Variants in COL25A1 observed in about 807,000 individuals in gnomAD.
COL25A1 encodes the protein collagen type XXV alpha 1 chain.
Under a neutral mutation model 128.4 loss-of-function variants are expected in COL25A1, and 103 were observed. That is an observed-to-expected ratio of 0.80 (90% CI 0.68 to 0.94). The LOEUF is 0.94. Among genes scored for constraint, COL25A1 ranks in the 40% least tolerant of loss-of-function variants. The pLI, the probability that COL25A1 is intolerant of heterozygous loss-of-function variation, is 0.00. For synonymous variants in COL25A1, 279 were observed against 277.2 expected (o/e 1.01, Z -0.06); for missense variants, 745 against 840.0 (o/e 0.89, Z 1.40).
intron 2 of COL25A1, among the ~76,000 whole-genome samples, chr4:109,300,899 ACT>A (rs1267186504): frequency 2.0e-5 from 3 of 151,810 alleles, no homozygotes; most frequent in African/African-American, 7.3e-5. Context: ...CTCTACCACC[ACT>A]CTCTCCCTCA....
chr4:108,891,809 T>C (rs1741541171), intron 16 of COL25A1, among the ~76,000 whole-genome samples: 1 of 152,098 alleles, frequency 6.6e-6, no homozygotes, highest in Non-Finnish European at 1.5e-5. Flanking sequence ...AAGCTGCTTG[T>C]ATTAATTGTA....
At chr4:109,181,391 T>C (rs1157373564) in intron 3 of COL25A1, among the ~76,000 whole-genome samples, 1 of 152,094 alleles carries the variant, frequency 6.6e-6, no homozygotes, top group Non-Finnish European at 1.5e-5. Flanking sequence ...AATTTAATAT[T>C]TCAGTAAAAC....
At chr4:108,974,425 A>T in intron 7 of COL25A1, 32 bp from the exon 8 acceptor site, 4 of 1,613,662 alleles carry the variant, frequency 2.5e-6, no homozygotes, top group Non-Finnish European at 3.4e-6. Context: ...TAACAGTTTT[A>T]GCCAAAATTT....
At chr4:109,227,331 T>A (rs887794190) in intron 3 of COL25A1, among the ~76,000 whole-genome samples, 1 of 152,112 alleles carries the variant, frequency 6.6e-6, no homozygotes, top group African/African-American at 2.4e-5. Flanking sequence ...GTATTAAAAA[T>A]GATGTGAAGA....
intron 11 of COL25A1, among the ~76,000 whole-genome samples, chr4:108,932,327 A>G (rs1746852173): frequency 6.6e-6 from 1 of 152,266 alleles, no homozygotes; most frequent in Non-Finnish European, 1.5e-5. Context: ...TTTTAAAAAC[A>G]TTATATTCAC....
intron 28 of COL25A1, among the ~76,000 whole-genome samples, chr4:108,845,709 C>T (rs545129739): frequency 2.0e-5 from 3 of 152,076 alleles, no homozygotes; most frequent in Admixed American, 6.5e-5. Context: ...GTTAGAATTA[C>T]GGGGAAAACC....
rs575848357 is a variant in COL25A1 at position 108,963,665 on chromosome 4, T to C, written c.492+10702A>G. Among the ~76,000 whole-genome samples, 3 of 152,178 alleles carry C rather than the reference T, an allele frequency of 2.0e-5. No individual in the cohort carries two copies. The East Asian group carries it at 5.8e-4, about 29-fold the overall frequency. ...ATAAGACAAAGAATAAAACCTTCCGTATAGTTTCATGTTTGAGAGAGGATT... is the reference window on the plus strand; with the variant it reads ...ATAAGACAAAGAATAAAACCTTCCGCATAGTTTCATGTTTGAGAGAGGATT... On this transcript the variant is annotated intron_variant, in intron 8 of 37. Transcript: ENST00000399132.
intron 3 of COL25A1, among the ~76,000 whole-genome samples, chr4:109,140,399 G>A (rs2126084956): frequency 6.6e-6 from 1 of 152,292 alleles, no homozygotes; most frequent in Middle Eastern, 3.4e-3. Context: ...GCTTAGGATT[G>A]TCTTGGCTAT....
intron 3 of COL25A1, among the ~76,000 whole-genome samples, chr4:109,111,434 C>T (rs1767008763): frequency 6.6e-6 from 1 of 152,184 alleles, no homozygotes; most frequent in African/African-American, 2.4e-5. Context: ...CATTCACAAC[C>T]CATCATCTCA....
At chr4:108,912,641 T>C (rs1474960282) in intron 13 of COL25A1, among the ~76,000 whole-genome samples, 1 of 152,110 alleles carries the variant, frequency 6.6e-6, no homozygotes, top group Non-Finnish European at 1.5e-5. Flanking sequence ...GCAGTAAATA[T>C]ATAAATAAAT....
At chr4:109,274,209 T>TA (rs11396793) in intron 3 of COL25A1, among the ~76,000 whole-genome samples, 37,277 of 151,962 alleles carry the variant, frequency 0.25, 5,304 homozygotes, top group South Asian at 0.38. Flanking sequence ...CATTTTCAAT[T>TA]AAAAAAATGA....
At position 109,210,856 on chromosome 4, in the gene COL25A1, T is replaced by G. The variant is rs149090494; in HGVS notation, c.367+89727A>C. On this transcript the variant is annotated intron_variant, in intron 3 of 37. Transcript: ENST00000399132. ...TACACAGCCATAAAAAAGAATAAAA[T>G]TATTCCCTTTGCAGCAACACGGATG... 1.2e-4 allele frequency among the ~76,000 whole-genome samples: 19 copies of G among 152,150 alleles called. No individual in the cohort carries two copies. In the East Asian group the frequency reaches 3.5e-3, roughly 28 times the overall value.
At chr4:109,259,184 G>A (rs1336359269) in intron 3 of COL25A1, among the ~76,000 whole-genome samples, 1 of 151,990 alleles carries the variant, frequency 6.6e-6, no homozygotes, top group Non-Finnish European at 1.5e-5. Flanking sequence ...TTTCTGTGCG[G>A]AGATTATTGA....
At chr4:109,292,515 C>T (rs780208162) in intron 3 of COL25A1, among the ~76,000 whole-genome samples, 6 of 152,016 alleles carry the variant, frequency 3.9e-5, no homozygotes, top group African/African-American at 9.7e-5. Flanking sequence ...GAGAGCTCTA[C>T]GATGAGCCCT....
intron 3 of COL25A1, among the ~76,000 whole-genome samples, chr4:109,268,096 T>G (rs923708021): frequency 2.0e-5 from 3 of 152,176 alleles, no homozygotes; most frequent in African/African-American, 4.8e-5. Flanking sequence ...AAACTCACAT[T>G]TGAACATGTT....
In COL25A1 at chr4:108,982,121, G is replaced by A. The variant is rs1202388306; in HGVS notation, c.439-7562C>T. ...AGGCAGGAGAATCGCTTGAACCGAA[G>A]AGGCGGAGCTTGCAGTGAGCTGAGA... is the stretch of plus-strand genomic sequence containing the variant. On this transcript the variant is annotated intron_variant, in intron 6 of 37. Transcript: ENST00000399132. 3.3e-5 allele frequency among the ~76,000 whole-genome samples: 5 copies of A among 152,182 alleles called. No homozygotes were observed. The East Asian group carries it at 9.6e-4, about 29-fold the overall frequency.
chr4:108,950,065 T>C (rs1749228997), intron 8 of COL25A1, among the ~76,000 whole-genome samples: 1 of 152,124 alleles, frequency 6.6e-6, no homozygotes, highest in Non-Finnish European at 1.5e-5. Flanking sequence ...TTTGCTAACA[T>C]TTATCCACGC....
intron 5 of COL25A1, among the ~76,000 whole-genome samples, chr4:109,022,404 C>T (rs1281724755): frequency 1.3e-5 from 2 of 152,152 alleles, no homozygotes; most frequent in Admixed American, 6.5e-5. Flanking sequence ...ATTATCATCA[C>T]AAAGAGAAGA....
chr4:109,105,689 T>C (rs1766362684), intron 3 of COL25A1, among the ~76,000 whole-genome samples: 1 of 152,116 alleles, frequency 6.6e-6, no homozygotes, highest in African/African-American at 2.4e-5. Context: ...AATATGCCAT[T>C]TTCCTGGTTT....
Sources: gnomAD v4.1 joint callset for allele counts (sites outside exome capture counted in the v4.1 genomes callset) on GRCh38, gnomAD v4.1.1 for gene constraint, MANE v1.5 for transcripts, NCBI Gene and HGNC (gene_info 2026-07-23, HGNC 2026-07-21) for gene names.